EDIL3: variants seen among roughly 807,000 people sequenced by gnomAD.
The protein encoded by EDIL3 is EGF-like repeat and discoidin I-like domain-containing protein 3.
EDIL3 carries 37 observed loss-of-function variants against 67.4 expected under a neutral mutation model. The ratio of observed to expected loss-of-function variants is 0.55; its 90% CI spans 0.42 to 0.72. The LOEUF (loss-of-function observed/expected upper bound fraction) is 0.72, where lower values mean the gene tolerates loss of function less well. Ranked by LOEUF, EDIL3 falls within the 30% of genes least tolerant of loss-of-function variation. EDIL3 has a pLI of 0.00. For synonymous variants in EDIL3, 195 were observed against 196.3 expected (o/e 0.99, Z 0.05); for missense variants, 527 against 586.3 (o/e 0.90, Z 1.04).
At chr5:84,226,175 T>C (rs1744449101) in intron 3 of EDIL3, among the ~76,000 whole-genome samples, 1 of 151,646 alleles carries the variant, frequency 6.6e-6, no homozygotes, top group Non-Finnish European at 1.5e-5. Flanking sequence ...AAAGATTTCA[T>C]TTCACTGATA....
chr5:84,103,439 C>T (rs917467276), intron 6 of EDIL3, among the ~76,000 whole-genome samples: 3 of 151,698 alleles, frequency 2.0e-5, no homozygotes, highest in East Asian at 1.9e-4. Flanking sequence ...GACAACCTAC[C>T]GAATGGAAGA....
At chr5:84,262,659 G>GTGTTTTTTTTTTTTTTTTT (rs1745250482) in intron 1 of EDIL3, among the ~76,000 whole-genome samples, 1 of 46,310 alleles carries the variant, frequency 2.2e-5, no homozygotes, top group Non-Finnish European at 3.6e-5. Context: ...AGGTTGGTTG[G>GTGTTTTTTTTTTTTTTTTT]TTTTTTTTTT....
intron 10 of EDIL3, among the ~76,000 whole-genome samples, chr5:83,948,862 T>G (rs1744359382): frequency 6.6e-6 from 1 of 151,790 alleles, no homozygotes; most frequent in African/African-American, 2.4e-5. Context: ...ATTGAATGGC[T>G]AGTATATTAT....
In EDIL3 at chr5:84,001,716, G is replaced by C. The variant is rs915413927; in HGVS notation, c.1138-38356C>G. Among the ~76,000 whole-genome samples, 3 of 152,086 alleles carry C rather than the reference G, an allele frequency of 2.0e-5. No homozygotes were observed. The East Asian group carries it at 5.8e-4, about 29-fold the overall frequency. On this transcript the variant is annotated intron_variant, in intron 9 of 10. Coordinates refer to ENST00000296591, the MANE Select transcript of EDIL3 (RefSeq NM_005711.5). The stretch of plus-strand genomic sequence containing the variant: ...AAAGGAATGAATTAAACATAGTAAT[G>C]CTTAAAATTGAACCATGAAGAAATC...
chr5:84,058,175 T>A (rs751563369), intron 9 of EDIL3, among the ~76,000 whole-genome samples: 52 of 152,078 alleles, frequency 3.4e-4, no homozygotes, highest in Admixed American at 3.3e-3. Context: ...AAGGAGATAG[T>A]ACTTGGTTTG....
Position 84,066,069 on chromosome 5 carries a change from C to T in EDIL3, c.807+382G>A, listed in dbSNP as rs565301192. Among the ~76,000 whole-genome samples the T allele has an allele frequency of 1.2e-4, 18 of 149,014 alleles. 1 individual carries two copies. Among genetic ancestry groups the T allele is most frequent in the African/African-American group, 4.2e-4 (17 of 40,194 alleles). On this transcript the variant is annotated intron_variant, in intron 7 of 10. Transcript: ENST00000296591. ...GGCAGAGTTTATAGTGAGCCGAGAT[C>T]GCGCCACTGCACTCCAGCCTGGGCA... is the stretch of plus-strand genomic sequence containing the variant.
At chr5:84,050,952 T>G (rs1421437775) in intron 9 of EDIL3, among the ~76,000 whole-genome samples, 2 of 152,140 alleles carry the variant, frequency 1.3e-5, no homozygotes, top group Non-Finnish European at 2.9e-5. Flanking sequence ...GTCTGACAGC[T>G]TTGAAGAGAG....
chr5:84,206,809 C>A (rs1195380982), intron 3 of EDIL3, among the ~76,000 whole-genome samples: 1 of 152,108 alleles, frequency 6.6e-6, no homozygotes, highest in Non-Finnish European at 1.5e-5. Flanking sequence ...ATGATTATCT[C>A]AATAGATGCA....
intron 3 of EDIL3, among the ~76,000 whole-genome samples, chr5:84,224,026 T>TA (rs552626542): frequency 2.6e-5 from 4 of 151,030 alleles, no homozygotes; most frequent in South Asian, 2.1e-4. Flanking sequence ...CTTGTAGTAT[T>TA]AAAAAAAATG....
chr5:84,185,126 C>T (rs1294701088), intron 3 of EDIL3, among the ~76,000 whole-genome samples: 1 of 152,058 alleles, frequency 6.6e-6, no homozygotes, highest in Non-Finnish European at 1.5e-5. Context: ...GTATCATATC[C>T]ATCTGAAAAA....
At chr5:84,338,672 T>C (rs1043671581) in intron 1 of EDIL3, among the ~76,000 whole-genome samples, 4 of 152,146 alleles carry the variant, frequency 2.6e-5, no homozygotes, top group African/African-American at 9.7e-5. Flanking sequence ...ATAGAAACTC[T>C]CACTTTCATA....
At chr5:84,063,674 C>T (rs929820039) in intron 8 of EDIL3, among the ~76,000 whole-genome samples, 1 of 152,036 alleles carries the variant, frequency 6.6e-6, no homozygotes, top group African/African-American at 2.4e-5. Flanking sequence ...GCGCTTTAAC[C>T]TATAGGCAAC....
intron 9 of EDIL3, among the ~76,000 whole-genome samples, chr5:84,007,856 G>C (rs1745446358): frequency 6.6e-6 from 1 of 152,236 alleles, no homozygotes; most frequent in Non-Finnish European, 1.5e-5. Flanking sequence ...TTATTCACAA[G>C]AGCCAAGATT....
chr5:84,250,515 A>T (rs1164524582), intron 2 of EDIL3, among the ~76,000 whole-genome samples: 7 of 152,244 alleles, frequency 4.6e-5, no homozygotes, highest in Non-Finnish European at 1.0e-4. Flanking sequence ...CTTATCTGAC[A>T]TTATATGCTT....
intron 1 of EDIL3, among the ~76,000 whole-genome samples, chr5:84,311,305 G>A (rs891523855): frequency 1.9e-4 from 25 of 130,404 alleles, no homozygotes; most frequent in Non-Finnish European, 3.0e-4. Context: ...ACTATTCAAT[G>A]TATTTTCTTT....
At chr5:84,384,201 C>A in intron 1 of EDIL3, 107 bp downstream of exon 1, 1 of 1,399,228 alleles carries the variant, frequency 7.1e-7, no homozygotes, top group Non-Finnish European at 9.7e-7. Context: ...CAGCGGCGCT[C>A]GCCACCCTTG....
chr5:84,139,789 CAAG>C (rs1163992826), intron 4 of EDIL3, among the ~76,000 whole-genome samples: 2 of 152,008 alleles, frequency 1.3e-5, no homozygotes, highest in African/African-American at 4.8e-5. Flanking sequence ...TGATCTTAGA[CAAG>C]AAGAAAAAGT....
At chr5:84,012,311 T>C (rs1293384327) in intron 9 of EDIL3, among the ~76,000 whole-genome samples, 1 of 152,144 alleles carries the variant, frequency 6.6e-6, no homozygotes, top group Non-Finnish European at 1.5e-5. Flanking sequence ...GTTTGTTTGT[T>C]TGATTTATAA....
intron 1 of EDIL3, among the ~76,000 whole-genome samples, chr5:84,379,256 A>G (rs1351787241): frequency 6.6e-6 from 1 of 152,196 alleles, no homozygotes; most frequent in Non-Finnish European, 1.5e-5. Flanking sequence ...ATTGCAATCA[A>G]AATAAATTAG....
Sources: gnomAD v4.1 joint callset for allele counts (sites outside exome capture counted in the v4.1 genomes callset) on GRCh38, gnomAD v4.1.1 for gene constraint, MANE v1.5 for transcripts, NCBI Gene and HGNC (gene_info 2026-07-23, HGNC 2026-07-21) for gene names.